RBPJ: variants seen among roughly 807,000 people sequenced by gnomAD.
The protein encoded by RBPJ is recombining binding protein suppressor of hairless.
Under a neutral mutation model 67.8 loss-of-function variants are expected in RBPJ, and 9 were observed. The ratio of observed to expected loss-of-function variants is 0.13; its 90% CI spans 0.08 to 0.23. RBPJ has a LOEUF of 0.23. Among genes scored for constraint, RBPJ ranks in the 10% least tolerant of loss-of-function variants. The pLI is 1.00. For missense variants in RBPJ, 305 were observed against 595.6 expected (o/e 0.51, Z 5.08); for synonymous variants, 198 against 203.3 (o/e 0.97, Z 0.22).
Position 26,424,723 on chromosome 4 carries a change from G to T in RBPJ, c.727G>T (p.Gly243Cys). Residue 243 changes from glycine (G) to cysteine (C), a missense_variant, in exon 7 of 11, where the codon GGC (glycine) becomes TGC (cysteine). This residue lies in a region of RBPJ where 66 missense variants were observed against 226.0 expected (regional missense o/e 0.29). Transcript: ENST00000355476. This position sits in a 1 kb window ranked among gnomAD's most constrained non-coding sequence, Gnocchi z 5.3. The stretch of plus-strand genomic sequence containing the variant: ...AGTCAAACTTGTGTGCTCAGTTACT[G>T]GCATGGCACTCCCAAGATTGGTATG... ...QTVKLVCSVT[G>C]MALPRLIIRK... The T allele has an allele frequency of 1.2e-6, 2 of 1,608,450 alleles. No homozygotes were observed. The highest frequency in any genetic ancestry group is 1.7e-6 in the Non-Finnish European group (2 of 1,175,764).
intron 1 of RBPJ, among the ~76,000 whole-genome samples, chr4:26,368,302 C>T (rs865882911): frequency 6.6e-6 from 1 of 152,180 alleles, no homozygotes; most frequent in Non-Finnish European, 1.5e-5. Flanking sequence ...CCCTATTCCA[C>T]ATTAACCCCT....
intron 1 of RBPJ, among the ~76,000 whole-genome samples, chr4:26,376,917 A>G (rs868593369): frequency 1.2e-4 from 19 of 152,292 alleles, no homozygotes; most frequent in Middle Eastern, 3.4e-3. Context: ...TCATGTGCTT[A>G]TTGGCCACTT....
intron 1 of RBPJ, among the ~76,000 whole-genome samples, chr4:26,270,367 A>G (rs976355058): frequency 2.4e-4 from 7 of 28,828 alleles, no homozygotes; most frequent in Non-Finnish European, 5.3e-4. Context: ...GAAAGAAAGA[A>G]AGAAAGAAAG....
chr4:26,307,648 G>C (rs1246999196), intron 1 of RBPJ, among the ~76,000 whole-genome samples: 1 of 152,114 alleles, frequency 6.6e-6, no homozygotes, highest in East Asian at 1.9e-4. Context: ...TCTCCCAGAC[G>C]ATAGTTTATA....
chr4:26,406,296 T>C (rs1733404156), intron 3 of RBPJ, 26 bp downstream of exon 3: 1 of 1,417,776 alleles, frequency 7.1e-7, no homozygotes, highest in African/African-American at 1.4e-5. Flanking sequence ...TGGTGGATAG[T>C]TAATTGTAGT....
intron 1 of RBPJ, among the ~76,000 whole-genome samples, chr4:26,196,329 G>T (rs2109147670): frequency 6.6e-6 from 1 of 152,298 alleles, no homozygotes; most frequent in Non-Finnish European, 1.5e-5. Context: ...GAAGCAAGTT[G>T]TCAAAGGCTC....
At chr4:26,129,736 A>T in the RBPJ span, among the ~76,000 whole-genome samples, 7 of 152,268 alleles carry the variant, frequency 4.6e-5, no homozygotes, top group African/African-American at 7.2e-5. Flanking sequence ...CGGCCTGTTC[A>T]TTCCTGGGTG....
At chr4:26,231,885 A>T (rs1213832719) in intron 1 of RBPJ, among the ~76,000 whole-genome samples, 8 of 147,668 alleles carry the variant, frequency 5.4e-5, no homozygotes, top group Admixed American at 1.4e-4. Flanking sequence ...ATTTTTATTT[A>T]TTTTTATTTA....
the RBPJ span, among the ~76,000 whole-genome samples, chr4:26,134,897 T>C: frequency 6.6e-6 from 1 of 152,148 alleles, no homozygotes; most frequent in Non-Finnish European, 1.5e-5. Flanking sequence ...GTCTCCATGA[T>C]GGCATGAACG....
chr4:26,135,267 C>T, the RBPJ span, among the ~76,000 whole-genome samples: 13 of 152,122 alleles, frequency 8.5e-5, no homozygotes, highest in Non-Finnish European at 1.8e-4. Context: ...TTGGAACTTA[C>T]CAATGCTCAT....
intron 1 of RBPJ, among the ~76,000 whole-genome samples, chr4:26,204,578 C>T (rs1420210201): frequency 5.3e-5 from 8 of 152,130 alleles, no homozygotes; most frequent in Admixed American, 5.2e-4. Context: ...TGTGGCCATG[C>T]AGAGGGGTAG....
At chr4:26,258,161 T>A (rs974229489) in intron 1 of RBPJ, among the ~76,000 whole-genome samples, 1 of 152,192 alleles carries the variant, frequency 6.6e-6, no homozygotes, top group African/African-American at 2.4e-5. Flanking sequence ...TCATTTTGCT[T>A]CAGATGGCAA....
rs546160426 is a variant in RBPJ at position 26,411,834 on chromosome 4, G to A, written c.156-3641G>A. ...AAGAAGTACCATTTATGGGCCAGGC[G>A]CGGTGGCTCACGCCTGTAATCCCAG... On this transcript the variant is annotated intron_variant, in intron 3 of 10. Transcript: ENST00000355476. Among the ~76,000 whole-genome samples the A allele has an allele frequency of 3.9e-5, 6 of 151,990 alleles. No homozygotes were observed. The South Asian group carries it at 6.2e-4, about 16-fold the overall frequency.
chr4:26,124,826 T>A, the RBPJ span, among the ~76,000 whole-genome samples: 1 of 152,126 alleles, frequency 6.6e-6, no homozygotes, highest in Non-Finnish European at 1.5e-5. Flanking sequence ...CGTGCTATGA[T>A]GTTGATTTTT....
intron 3 of RBPJ, among the ~76,000 whole-genome samples, chr4:26,406,555 C>G (rs1733432233): frequency 6.6e-6 from 1 of 152,160 alleles, no homozygotes; most frequent in Non-Finnish European, 1.5e-5. Context: ...GCAGATGGAA[C>G]AATGGAGAGA....
chr4:26,192,729 C>A (rs1203982487), intron 1 of RBPJ, among the ~76,000 whole-genome samples: 1 of 152,198 alleles, frequency 6.6e-6, no homozygotes, highest in Non-Finnish European at 1.5e-5. Context: ...TTAACCATCA[C>A]CACACATTGC....
At chr4:26,197,974 C>A (rs183392297) in intron 1 of RBPJ, among the ~76,000 whole-genome samples, 1 of 151,980 alleles carries the variant, frequency 6.6e-6, no homozygotes, top group African/African-American at 2.4e-5. Flanking sequence ...TGAGGCAGGC[C>A]GGGCGCAGTG....
intron 1 of RBPJ, among the ~76,000 whole-genome samples, chr4:26,243,906 G>A (rs1262626723): frequency 6.6e-6 from 1 of 151,924 alleles, no homozygotes; most frequent in Non-Finnish European, 1.5e-5. Flanking sequence ...ACCAGCCTGG[G>A]TGACATGGTG....
At chr4:26,315,217 C>A (rs1260895261), upstream of RBPJ, among the ~76,000 whole-genome samples, 10 of 140,690 alleles carry the variant, frequency 7.1e-5, no homozygotes, top group African/African-American at 1.9e-4. Context: ...GGGGAACCCA[C>A]CCCCAATTTC....
Sources: gnomAD v4.1 joint callset for allele counts (sites outside exome capture counted in the v4.1 genomes callset) on GRCh38, gnomAD v4.1.1 for gene constraint, gnomAD v4.1.1 regional missense constraint, Gnocchi (gnomAD v3.1) non-coding constraint, MANE v1.5 for transcripts, NCBI Gene and HGNC (gene_info 2026-07-23, HGNC 2026-07-21) for gene names.